The following RPTOR variants were observed in gnomAD, a reference collection of about 807,000 sequenced individuals.
The protein encoded by RPTOR is regulatory-associated protein of mTOR.
Under a neutral mutation model 169.9 loss-of-function variants are expected in RPTOR, and 21 were observed. That is an observed-to-expected ratio of 0.12 (90% CI 0.09 to 0.18). RPTOR has a LOEUF of 0.18. Among genes scored for constraint, RPTOR ranks in the 10% least tolerant of loss-of-function variants. The probability of loss-of-function intolerance (pLI) is 1.00; values close to 1 mark genes in which losing one functional copy is unlikely to be tolerated. For synonymous variants in RPTOR, 732 were observed against 753.2 expected (o/e 0.97, Z 0.46); for missense variants, 1,133 against 1,855.9 (o/e 0.61, Z 7.16).
chr17:80,574,808 A>G (rs1599564813), intron 1 of RPTOR, among the ~76,000 whole-genome samples: 1 of 145,222 alleles, frequency 6.9e-6, no homozygotes, highest in African/African-American at 2.5e-5. Context: ...GATGTGTGCC[A>G]CCAAGCCCAG....
intron 6 of RPTOR, among the ~76,000 whole-genome samples, chr17:80,784,196 C>A (rs1359812062): frequency 2.0e-5 from 3 of 151,836 alleles, no homozygotes; most frequent in Non-Finnish European, 2.9e-5. Context: ...TCAAGTGATC[C>A]TCCTGCCTTG....
intron 20 of RPTOR, among the ~76,000 whole-genome samples, chr17:80,906,088 A>G (rs142193364): frequency 6.6e-6 from 1 of 152,254 alleles, no homozygotes; most frequent in African/African-American, 2.4e-5. Flanking sequence ...CCTGTCACCC[A>G]TGTTAGAGAG....
At chr17:80,964,014 C>T (rs573900476) in intron 33 of RPTOR, among the ~76,000 whole-genome samples, 2 of 152,274 alleles carry the variant, frequency 1.3e-5, no homozygotes, top group South Asian at 2.1e-4. Context: ...AGAGCTGCCC[C>T]GTGGGGCAGT....
At chr17:80,869,565 A>T (rs1014800023) in intron 13 of RPTOR, among the ~76,000 whole-genome samples, 1 of 152,198 alleles carries the variant, frequency 6.6e-6, no homozygotes, top group Non-Finnish European at 1.5e-5. Flanking sequence ...CCTGGATCAA[A>T]AATCAGAGGC....
chr17:80,905,995 C>G (rs897199450), intron 20 of RPTOR, among the ~76,000 whole-genome samples: 2 of 152,180 alleles, frequency 1.3e-5, no homozygotes, highest in African/African-American at 4.8e-5. Context: ...CCTCACTCAG[C>G]TGTGGGGAGC....
Position 80,823,641 on chromosome 17 carries a change from T to A in RPTOR, c.1136+418T>A, listed in dbSNP as rs1175940322. The A allele has an allele frequency of 1.3e-4, 20 of 157,084 alleles. No homozygotes were observed. Among genetic ancestry groups the A allele is most frequent in the Middle Eastern group, 3.2e-3 (1 of 312 alleles). The allele number at this position is 157,084 out of a possible 1,614,324, so 9.7% of individuals were successfully genotyped here. Reference sequence around the variant, plus strand: ...ATCAATTAGTTTTTATGCTTATTTCTCACACACACACACACACACACACAC... The same window carrying A: ...ATCAATTAGTTTTTATGCTTATTTCACACACACACACACACACACACACAC... On this transcript the variant is annotated intron_variant, in intron 9 of 33. Transcript: ENST00000306801. The surrounding 1 kb of genome is among the most constrained non-coding windows in gnomAD (Gnocchi z 4.5).
intron 6 of RPTOR, among the ~76,000 whole-genome samples, chr17:80,771,178 C>T (rs2066839562): frequency 1.3e-5 from 2 of 152,214 alleles, no homozygotes; most frequent in South Asian, 4.1e-4. Context: ...ACTCTCTGGC[C>T]AGCCTCTCTT....
Position 80,581,670 on chromosome 17 carries a change from T to C in RPTOR, c.162+35879T>C, listed in dbSNP as rs6565700. ...GCCTGCTATTCTCTGCAGTGGAGAC[T>C]GCACATCGGGCCAGTGCATGCCTGT... On this transcript the variant is annotated intron_variant, in intron 1 of 33. Coordinates refer to ENST00000306801, the MANE Select transcript of RPTOR (RefSeq NM_020761.3). 3.1e-3 allele frequency among the ~76,000 whole-genome samples: 408 copies of C among 130,754 alleles called. 1 individual carries two copies. The highest frequency in any genetic ancestry group is 0.012 in the African/African-American group (360 of 29,018). The allele number at this position is 130,754 out of a possible 152,430, so 85.8% of individuals were successfully genotyped here.
At chr17:80,907,718 C>T (rs1311038830) in intron 20 of RPTOR, among the ~76,000 whole-genome samples, 2 of 152,238 alleles carry the variant, frequency 1.3e-5, no homozygotes, top group Non-Finnish European at 2.9e-5. Context: ...GTCAGGTATC[C>T]CCCAAGGCTC....
At chr17:80,963,153 C>G (rs539243122) in intron 33 of RPTOR, 96 bp downstream of exon 33, 125 of 1,236,082 alleles carry the variant, frequency 1.0e-4, no homozygotes, top group Non-Finnish European at 1.3e-4. Context: ...CCTGGCTACC[C>G]CACACCACAG....
chr17:80,804,234 G>C (rs1192165176), intron 7 of RPTOR: 1 of 152,380 alleles, frequency 6.6e-6, no homozygotes, highest in African/African-American at 2.4e-5. Context: ...GTTTGCAGAG[G>C]GGGTGGGGGC....
At position 80,947,439 on chromosome 17, in the gene RPTOR, TCTGTCTTACAGAAAGCC is replaced by T; in HGVS notation, c.3265+92_3265+108del. ...TGTGATCCTGAGATGTGTTTGTACATCTGTCTTACAGAAAGCCCTGCTCACACGCGAGGGCCACTGTC... is the reference window on the plus strand; with the variant it reads ...TGTGATCCTGAGATGTGTTTGTACATCTGCTCACACGCGAGGGCCACTGTC... On this transcript the variant is annotated intron_variant, in intron 27 of 33. Coordinates refer to ENST00000306801, the MANE Select transcript of RPTOR (RefSeq NM_020761.3). This position sits in a 1 kb window ranked among gnomAD's most constrained non-coding sequence, Gnocchi z 4.4. 1 of 1,425,334 alleles carries T rather than the reference TCTGTCTTACAGAAAGCC, an allele frequency of 7.0e-7. No homozygotes were observed. The highest frequency in any genetic ancestry group is 1.6e-5 in the South Asian group (1 of 62,082). 88.3% of individuals were successfully genotyped at this position (1,425,334 alleles called of 1,614,324 possible).
At chr17:80,834,049 C>T (rs951383106) in intron 9 of RPTOR, among the ~76,000 whole-genome samples, 1 of 152,198 alleles carries the variant, frequency 6.6e-6, no homozygotes, top group Non-Finnish European at 1.5e-5. Context: ...GTAATCTGGC[C>T]CTGTAATTTG....
At chr17:80,698,162 C>T (rs566624493) in intron 3 of RPTOR, among the ~76,000 whole-genome samples, 2 of 152,250 alleles carry the variant, frequency 1.3e-5, no homozygotes, top group South Asian at 2.1e-4. Flanking sequence ...GGGTGAGGAA[C>T]GGAGGCGACT....
At chr17:80,958,205 C>A (rs535224618) in intron 29 of RPTOR, among the ~76,000 whole-genome samples, 3 of 139,484 alleles carry the variant, frequency 2.2e-5, no homozygotes, top group East Asian at 2.1e-4. Flanking sequence ...TCACCCCCCC[C>A]CCCCACCACC....
intron 3 of RPTOR, among the ~76,000 whole-genome samples, chr17:80,660,686 A>G (rs1225177680): frequency 6.6e-6 from 1 of 152,156 alleles, no homozygotes; most frequent in African/African-American, 2.4e-5. Context: ...ATGCCTGGCA[A>G]CACAGGCGGT....
intron 33 of RPTOR, 79 bp downstream of exon 33, chr17:80,963,136 G>A: frequency 7.5e-7 from 1 of 1,329,742 alleles, no homozygotes; most frequent in South Asian, 1.3e-5. Flanking sequence ...AGGCAGCAGG[G>A]GTCCTGCCTG....
chr17:80,850,114 G>T (rs2067778001), intron 11 of RPTOR, among the ~76,000 whole-genome samples: 1 of 152,160 alleles, frequency 6.6e-6, no homozygotes, highest in Non-Finnish European at 1.5e-5. Flanking sequence ...TTTCTTGCAT[G>T]CATGCACTGC....
chr17:80,883,714 C>A, intron 15 of RPTOR, 67 bp from the exon 16 acceptor site: 1 of 1,541,222 alleles, frequency 6.5e-7, no homozygotes, highest in Non-Finnish European at 8.9e-7. Context: ...TTGTCCCGTG[C>A]AGGTACCCAC....
Sources: allele counts gnomAD v4.1 joint callset (sites outside exome capture counted in the v4.1 genomes callset), GRCh38; gene constraint gnomAD v4.1.1; non-coding constraint Gnocchi (gnomAD v3.1); transcripts MANE v1.5; gene names NCBI Gene and HGNC (gene_info 2026-07-23, HGNC 2026-07-21).